Variants in RYR2 observed in about 807,000 individuals in gnomAD.
RYR2 encodes the protein cardiac muscle ryanodine receptor-calcium release channel.
A neutral mutation model predicts 601.1 loss-of-function variants in RYR2; 227 were observed. That is an observed-to-expected ratio of 0.38 (90% CI 0.34 to 0.42). RYR2 has a LOEUF of 0.42. Among genes scored for constraint, RYR2 ranks in the 10% least tolerant of loss-of-function variants. The probability of loss-of-function intolerance (pLI) is 1.00; values close to 1 mark genes in which losing one functional copy is unlikely to be tolerated. For missense variants in RYR2, 4,646 were observed against 6,156.5 expected, an observed-to-expected ratio of 0.75 and a Z score of 8.21; for synonymous variants, 2,223 against 2,175.1, an observed-to-expected ratio of 1.02 and a Z score of -0.61.
chr1:237,057,078 G>A (rs1221660110), intron 1 of RYR2, among the ~76,000 whole-genome samples: 2 of 152,210 alleles, frequency 1.3e-5, no homozygotes, highest in Middle Eastern at 3.2e-3. Flanking sequence ...ACCCAGTGAG[G>A]CAGATTGGAG....
chr1:237,453,459 A>G (rs1658441325), intron 14 of RYR2, among the ~76,000 whole-genome samples: 1 of 152,126 alleles, frequency 6.6e-6, no homozygotes, highest in Non-Finnish European at 1.5e-5. Context: ...TTTGTAATGT[A>G]AGTTCCAGCA....
intron 25 of RYR2, among the ~76,000 whole-genome samples, chr1:237,547,904 T>G (rs1253023497): frequency 6.6e-6 from 1 of 152,198 alleles, no homozygotes; most frequent in Non-Finnish European, 1.5e-5. Context: ...TCTTATTTAG[T>G]CTTCCTAAAT....
In RYR2 at chr1:237,496,687, G is replaced by A; in HGVS notation, c.2138G>A (p.Trp713Ter). Reference protein sequence around the residue: ...YSPYPGGGEEWGGNGVGDDLF... With the variant: ...YSPYPGGGEE ...CCCTACCCTGGAGGGGGCGAAGAGT[G>A]GGGTGGAAATGGTGTTGGAGATGAT... Residue 713 changes from tryptophan to a stop codon, truncating the protein, a stop_gained, in exon 20 of 105, where the codon TGG becomes TAG. Transcript: ENST00000366574. LOFTEE classifies it high-confidence loss of function. 1 of 1,613,926 alleles carries A rather than the reference G, an allele frequency of 6.2e-7. No individual in the cohort carries two copies. The highest frequency in any genetic ancestry group is 8.5e-7 in the Non-Finnish European group (1 of 1,179,880).
rs1348548449 is a variant in RYR2, at chr1:237,590,701, T to A, written c.3869T>A (p.Phe1290Tyr). 8 of 1,596,616 alleles carry A rather than the reference T, an allele frequency of 5.0e-6. No individual in the cohort carries two copies. Among genetic ancestry groups the A allele is most frequent in the African/African-American group, 4.0e-5 (3 of 74,544 alleles). ...SPCLKVTQKS[F>Y]GSQNSNTDIM... ...TGTTTAAAGGTCACTCAGAAGTCTT[T>A]TGGTTCTCAGAACAGCAACACTGAT... Residue 1290 changes from phenylalanine (F) to tyrosine (Y), a missense_variant, in exon 31 of 105, where the codon TTT becomes TAT. Physicochemically the swap from Phe to Tyr is conservative, Grantham distance 22 (BLOSUM62 3). Around this residue, in one of 17 missense-constraint regions of RYR2, gnomAD observed 1,807 missense variants for 2,088.1 expected, o/e 0.87. Coordinates refer to ENST00000366574, the MANE Select transcript of RYR2 (RefSeq NM_001035.3).
At position 237,790,627 on chromosome 1, in the gene RYR2, G is replaced by A. The variant is rs185932100; in HGVS notation, c.13477-802G>A. On this transcript the variant is annotated intron_variant, in intron 92 of 104. Transcript: ENST00000366574. Reference sequence around the variant, plus strand: ...TCAACATAATAATTATATTAATAACGAACTTTCCCTATATTAACTCATTTC... The same window carrying A: ...TCAACATAATAATTATATTAATAACAAACTTTCCCTATATTAACTCATTTC... Among the ~76,000 whole-genome samples, 14 of 151,794 alleles carry A rather than the reference G, an allele frequency of 9.2e-5. No individual in the cohort carries two copies. The East Asian group carries it at 1.9e-3, about 21-fold the overall frequency.
At chr1:237,490,692 A>G (rs1266248552) in intron 17 of RYR2, among the ~76,000 whole-genome samples, 1 of 152,200 alleles carries the variant, frequency 6.6e-6, no homozygotes, top group Non-Finnish European at 1.5e-5. Context: ...TTGGCTGAAT[A>G]TATATTTGTG....
chr1:237,058,852 G>A (rs928479281), intron 1 of RYR2, among the ~76,000 whole-genome samples: 2 of 151,988 alleles, frequency 1.3e-5, no homozygotes, highest in African/African-American at 4.8e-5. Context: ...ATTAGAAGGT[G>A]GGAGATAGCG....
intron 3 of RYR2, among the ~76,000 whole-genome samples, chr1:237,355,547 G>A (rs1483264777): frequency 1.3e-5 from 2 of 152,140 alleles, no homozygotes; most frequent in Admixed American, 6.6e-5. Context: ...TACTTTAAGT[G>A]TCATGAGAGA....
At chr1:237,447,992 A>G (rs778430947) in intron 14 of RYR2, among the ~76,000 whole-genome samples, 13 of 149,462 alleles carry the variant, frequency 8.7e-5, no homozygotes, top group Non-Finnish European at 1.6e-4. Flanking sequence ...CAATGGCCCT[A>G]TCTCTGCTCA....
At chr1:237,476,896 T>C (rs977094568) in intron 17 of RYR2, among the ~76,000 whole-genome samples, 3 of 152,184 alleles carry the variant, frequency 2.0e-5, no homozygotes, top group Admixed American at 2.0e-4. Context: ...CACTATTGAC[T>C]TTCTCCAGGG....
At chr1:237,548,166 C>T (rs1263757752) in intron 25 of RYR2, among the ~76,000 whole-genome samples, 5 of 152,122 alleles carry the variant, frequency 3.3e-5, no homozygotes, top group African/African-American at 9.7e-5. Context: ...AATGACAGGT[C>T]CTTTTCATCT....
At chr1:237,311,482 CT>C (rs574868634) in intron 2 of RYR2, among the ~76,000 whole-genome samples, 12,229 of 140,816 alleles carry the variant, frequency 0.087, 891 homozygotes, top group African/African-American at 0.21. Context: ...AGAAAAAATC[CT>C]TTTTTTTTTT....
intron 25 of RYR2, among the ~76,000 whole-genome samples, chr1:237,540,356 C>T (rs1261698837): frequency 6.6e-6 from 1 of 152,090 alleles, no homozygotes; most frequent in African/African-American, 2.4e-5. Flanking sequence ...TCATTTAGCA[C>T]TTATCTATTA....
intron 1 of RYR2, among the ~76,000 whole-genome samples, chr1:237,113,018 CCTT>C (rs1669671900): frequency 1.3e-5 from 2 of 152,052 alleles, no homozygotes; most frequent in South Asian, 4.2e-4. Context: ...GCAGTGTGCT[CCTT>C]CTCCTTTCTG....
At chr1:237,384,834 T>G (rs1207779177) in intron 8 of RYR2, among the ~76,000 whole-genome samples, 1 of 152,182 alleles carries the variant, frequency 6.6e-6, no homozygotes, top group Non-Finnish European at 1.5e-5. Context: ...TTGATTATGA[T>G]TTACACAGCA....
chr1:237,657,667 A>G (rs1462598313), intron 53 of RYR2, among the ~76,000 whole-genome samples: 1 of 151,240 alleles, frequency 6.6e-6, no homozygotes, highest in Non-Finnish European at 1.5e-5. Context: ...CAATTTATAT[A>G]TTTAATAATA....
At chr1:237,467,858 CTTTTTTT>C (rs199646421) in intron 16 of RYR2, among the ~76,000 whole-genome samples, 1 of 123,622 alleles carries the variant, frequency 8.1e-6, no homozygotes, top group Non-Finnish European at 1.7e-5. Context: ...ATTTTCTCTG[CTTTTTTT>C]TTTTTTTTTT....
chr1:237,117,048 C>G (rs1670160368), intron 1 of RYR2, among the ~76,000 whole-genome samples: 1 of 152,142 alleles, frequency 6.6e-6, no homozygotes, highest in South Asian at 2.1e-4. Context: ...ATGGTCTGAG[C>G]TCATGGACCA....
At chr1:237,475,051 G>T (rs1661248813) in intron 17 of RYR2, among the ~76,000 whole-genome samples, 1 of 152,196 alleles carries the variant, frequency 6.6e-6, no homozygotes, top group African/African-American at 2.4e-5. Flanking sequence ...ACGTGTGTAT[G>T]CCAGATACTA....
Sources: gnomAD v4.1 joint callset for allele counts (sites outside exome capture counted in the v4.1 genomes callset) on GRCh38, gnomAD v4.1.1 for gene constraint, gnomAD v4.1.1 regional missense constraint, MANE v1.5 for transcripts, NCBI Gene and HGNC (gene_info 2026-07-23, HGNC 2026-07-21) for gene names.